The following PTPRT variants were observed in gnomAD, a reference collection of about 807,000 sequenced individuals.
PTPRT encodes protein tyrosine phosphatase receptor type T, also known as receptor-type tyrosine-protein phosphatase T.
Under a neutral mutation model 176.8 loss-of-function variants are expected in PTPRT, and 56 were observed. That is an observed-to-expected ratio of 0.32 (90% confidence interval 0.26 to 0.40). The LOEUF (loss-of-function observed/expected upper bound fraction) is 0.40, where lower values mean the gene tolerates loss of function less well. Ranked by LOEUF, PTPRT falls within the 10% of genes least tolerant of loss-of-function variation. PTPRT has a pLI of 1.00. For synonymous variants in PTPRT, 783 were observed against 739.0 expected, an observed-to-expected ratio of 1.06 and a Z score of -0.96; for missense variants, 1,540 against 1,908.2, an observed-to-expected ratio of 0.81 and a Z score of 3.60.
chr20:43,049,403 ATC>A (rs1986964548), intron 1 of PTPRT, among the ~76,000 whole-genome samples: 1 of 152,236 alleles, frequency 6.6e-6, no homozygotes, highest in Non-Finnish European at 1.5e-5. Context: ...ACACAAAGCC[ATC>A]TCTCTACTTC....
chr20:42,403,943 C>T (rs766317332), intron 9 of PTPRT, among the ~76,000 whole-genome samples: 7 of 152,118 alleles, frequency 4.6e-5, no homozygotes, highest in African/African-American at 7.2e-5. Flanking sequence ...CCTCTAGGCC[C>T]TCTGGGATTT....
At chr20:42,828,546 C>T (rs745317095) in intron 2 of PTPRT, among the ~76,000 whole-genome samples, 7 of 152,098 alleles carry the variant, frequency 4.6e-5, no homozygotes, top group Admixed American at 3.9e-4. Context: ...TTCACAGTAG[C>T]CCCTCCCCCA....
At chr20:42,581,161 C>T (rs1425654888) in intron 7 of PTPRT, among the ~76,000 whole-genome samples, 2 of 152,172 alleles carry the variant, frequency 1.3e-5, no homozygotes, top group African/African-American at 2.4e-5. Flanking sequence ...TTCCCTCCTC[C>T]CTTCTTCCTC....
At chr20:42,300,514 T>A (rs1288158274) in intron 12 of PTPRT, among the ~76,000 whole-genome samples, 1 of 151,916 alleles carries the variant, frequency 6.6e-6, no homozygotes, top group Non-Finnish European at 1.5e-5. Context: ...AAAAGAACCA[T>A]CTTGAAGGGG....
intron 7 of PTPRT, among the ~76,000 whole-genome samples, chr20:42,584,524 T>TCTTACCTAAAC (rs1408572522): frequency 6.6e-6 from 1 of 152,182 alleles, no homozygotes; most frequent in African/African-American, 2.4e-5. Flanking sequence ...TTCTCTGATA[T>TCTTACCTAAAC]CTTACCTAAA....
At chr20:42,321,668 G>C (rs1353894380) in intron 11 of PTPRT, among the ~76,000 whole-genome samples, 1 of 152,078 alleles carries the variant, frequency 6.6e-6, no homozygotes, top group Non-Finnish European at 1.5e-5. Context: ...TTGTTTACTG[G>C]CTTTACTGCT....
At chr20:42,985,630 C>A (rs925785332) in intron 1 of PTPRT, among the ~76,000 whole-genome samples, 6 of 152,038 alleles carry the variant, frequency 3.9e-5, no homozygotes, top group Admixed American at 3.9e-4. Flanking sequence ...AAACAATGCA[C>A]TTTTTTAAAA....
chr20:42,442,951 A>G (rs913588013), intron 9 of PTPRT, among the ~76,000 whole-genome samples: 2 of 152,160 alleles, frequency 1.3e-5, no homozygotes, highest in Non-Finnish European at 2.9e-5. Context: ...AGTCAGAATG[A>G]GAGAGGCCAC....
intron 23 of PTPRT, among the ~76,000 whole-genome samples, chr20:42,107,255 G>A (rs1009437343): frequency 6.6e-6 from 1 of 152,016 alleles, no homozygotes; most frequent in Non-Finnish European, 1.5e-5. Context: ...ATGGGTTGAC[G>A]GATGGAAGCA....
intron 3 of PTPRT, among the ~76,000 whole-genome samples, chr20:42,789,246 A>G (rs1304860814): frequency 6.6e-6 from 1 of 152,254 alleles, no homozygotes; most frequent in African/African-American, 2.4e-5. Context: ...TACATGTCCA[A>G]GTGATAGTAT....
At chr20:42,644,258 C>G (rs989183125) in intron 7 of PTPRT, among the ~76,000 whole-genome samples, 8 of 152,062 alleles carry the variant, frequency 5.3e-5, no homozygotes, top group African/African-American at 1.9e-4. Context: ...CCAGACTCAC[C>G]TTTTCTAATC....
chr20:42,470,023 A>G (rs2071166162), intron 8 of PTPRT, among the ~76,000 whole-genome samples: 1 of 152,228 alleles, frequency 6.6e-6, no homozygotes, highest in Non-Finnish European at 1.5e-5. Context: ...CAAAGAAAGA[A>G]GAAAATGAAA....
chr20:42,556,818 C>T (rs1331646330), intron 7 of PTPRT, among the ~76,000 whole-genome samples: 2 of 152,078 alleles, frequency 1.3e-5, no homozygotes, highest in African/African-American at 2.4e-5. Context: ...TCAATTCATC[C>T]TCAACTGAGT....
chr20:43,094,091 CTTT>C (rs11478226), intron 1 of PTPRT, among the ~76,000 whole-genome samples: 71 of 130,672 alleles, frequency 5.4e-4, no homozygotes, highest in African/African-American at 1.2e-3. Flanking sequence ...TTCTTTCTTT[CTTT>C]TTTTTTTTTT....
At chr20:42,813,595 T>G (rs1019910618) in intron 2 of PTPRT, among the ~76,000 whole-genome samples, 1 of 152,218 alleles carries the variant, frequency 6.6e-6, no homozygotes, top group Non-Finnish European at 1.5e-5. Flanking sequence ...CCATTTGCTA[T>G]GATATATAGC....
intron 2 of PTPRT, among the ~76,000 whole-genome samples, chr20:42,882,461 G>A (rs1306506206): frequency 6.6e-6 from 1 of 152,158 alleles, no homozygotes; most frequent in African/African-American, 2.4e-5. Context: ...AGTAGCATGA[G>A]TAAAAAGACA....
chr20:42,383,982 G>A (rs1270179970), intron 9 of PTPRT, among the ~76,000 whole-genome samples: 2 of 152,234 alleles, frequency 1.3e-5, no homozygotes, highest in African/African-American at 4.8e-5. Flanking sequence ...AGTAGGATAT[G>A]TGGGTAGATG....
chr20:42,212,053 A>T (rs1189806086), intron 15 of PTPRT, among the ~76,000 whole-genome samples: 15 of 149,222 alleles, frequency 1.0e-4, no homozygotes, highest in Middle Eastern at 3.4e-3. Context: ...AAGAAAAAAA[A>T]ACCAAACACC....
intron 2 of PTPRT, among the ~76,000 whole-genome samples, chr20:42,856,593 C>T (rs980679263): frequency 6.6e-6 from 1 of 151,874 alleles, no homozygotes; most frequent in African/African-American, 2.4e-5. Flanking sequence ...TCGACAACAC[C>T]CCCAGGTTCC....
Sources: gnomAD v4.1 joint callset for allele counts (sites outside exome capture counted in the v4.1 genomes callset) on GRCh38, gnomAD v4.1.1 for gene constraint, MANE v1.5 for transcripts, NCBI Gene and HGNC (gene_info 2026-07-23, HGNC 2026-07-21) for gene names.